The following SLX4IP variants were observed in gnomAD, a reference collection of about 807,000 sequenced individuals.
The protein encoded by SLX4IP is protein SLX4IP.
A neutral mutation model predicts 32.9 loss-of-function variants in SLX4IP; 34 were observed. That is an observed-to-expected ratio of 1.03 (90% confidence interval 0.79 to 1.38). SLX4IP has a LOEUF of 1.38. Ranked by LOEUF, SLX4IP falls within the 40% of genes most tolerant of loss-of-function variation. SLX4IP has a pLI of 0.00. For missense variants in SLX4IP, 444 were observed against 479.0 expected (o/e 0.93, Z 0.68); for synonymous variants, 172 against 171.7 (o/e 1.00, Z -0.01).
In SLX4IP at chr20:10,601,788, G is replaced by T. The variant is rs766026223; in HGVS notation, c.374G>T (p.Arg125Leu). ...VVCVSQLAFS[R>L]DLLASQNEDL... ...TGTGTCAGTCAGCTTGCATTCAGTC[G>T]TGATCTTTTAGCAAGTCAGAATGAA... Residue 125 changes from arginine to leucine, a missense_variant, in exon 6 of 8, where the codon CGT becomes CTT. By Grantham distance (102) the Arg-to-Leu change is moderately radical. Coordinates refer to ENST00000334534, the MANE Select transcript of SLX4IP (RefSeq NM_001009608.3). 2 of 1,613,878 alleles carry T rather than the reference G, an allele frequency of 1.2e-6. No homozygotes were observed. The highest frequency in any genetic ancestry group is 8.5e-7 in the Non-Finnish European group (1 of 1,179,866).
At chr20:10,531,519 T>G (rs139523944) in intron 2 of SLX4IP, among the ~76,000 whole-genome samples, 1 of 152,334 alleles carries the variant, frequency 6.6e-6, no homozygotes, top group African/African-American at 2.4e-5. Flanking sequence ...TTATTTCCCA[T>G]GTGCCAGGAA....
At chr20:10,461,850 T>G (rs2065340631) in intron 2 of SLX4IP, among the ~76,000 whole-genome samples, 1 of 152,202 alleles carries the variant, frequency 6.6e-6, no homozygotes, top group African/African-American at 2.4e-5. Flanking sequence ...TGAATATGGC[T>G]CACTTCAGCC....
At chr20:10,558,897 C>G (rs2066300099) in intron 3 of SLX4IP, among the ~76,000 whole-genome samples, 1 of 152,188 alleles carries the variant, frequency 6.6e-6, no homozygotes, top group Non-Finnish European at 1.5e-5. Flanking sequence ...ACTTGGTCTA[C>G]CTTGCATTCG....
intron 2 of SLX4IP, among the ~76,000 whole-genome samples, chr20:10,476,260 G>A (rs1470342621): frequency 1.3e-5 from 2 of 152,138 alleles, no homozygotes; most frequent in East Asian, 3.9e-4. Flanking sequence ...GCTACTCTTT[G>A]ATGATCTTGT....
At chr20:10,506,760 GCAGT>G (rs1221485570) in intron 2 of SLX4IP, among the ~76,000 whole-genome samples, 1 of 152,184 alleles carries the variant, frequency 6.6e-6, no homozygotes, top group Non-Finnish European at 1.5e-5. Flanking sequence ...ATGTTCATAA[GCAGT>G]CAGTACTATC....
At chr20:10,476,482 G>A (rs2065476101) in intron 2 of SLX4IP, among the ~76,000 whole-genome samples, 2 of 152,156 alleles carry the variant, frequency 1.3e-5, no homozygotes, top group South Asian at 4.1e-4. Context: ...GCTAGCCATT[G>A]TGCAAAGTCT....
intron 2 of SLX4IP, among the ~76,000 whole-genome samples, chr20:10,532,273 G>C (rs748688719): frequency 1.7e-4 from 26 of 151,620 alleles, no homozygotes; most frequent in Non-Finnish European, 3.5e-4. Flanking sequence ...GTATGGGAGG[G>C]GATGGATATG....
chr20:10,453,255 G>T (rs1568687521), intron 1 of SLX4IP, among the ~76,000 whole-genome samples: 1 of 151,854 alleles, frequency 6.6e-6, no homozygotes, highest in South Asian at 2.1e-4. Context: ...AGCTTTCCAT[G>T]TACCTGTCCT....
intron 2 of SLX4IP, among the ~76,000 whole-genome samples, chr20:10,485,371 G>A (rs768586196): frequency 2.2e-4 from 34 of 152,088 alleles, no homozygotes; most frequent in Non-Finnish European, 4.0e-4. Context: ...GGGAGGCTGA[G>A]GCTGGCAGAT....
At chr20:10,439,553 C>T (rs2065143569) in intron 1 of SLX4IP, among the ~76,000 whole-genome samples, 1 of 152,142 alleles carries the variant, frequency 6.6e-6, no homozygotes. Context: ...ATGAAGCCTT[C>T]TGTATACAGT....
Position 10,526,446 on chromosome 20 carries a change from T to C in SLX4IP, c.28-29785T>C, listed in dbSNP as rs573923118. On this transcript the variant is annotated intron_variant, in intron 2 of 7. Coordinates refer to ENST00000334534, the MANE Select transcript of SLX4IP (RefSeq NM_001009608.3). ...ATATAATTCATTAACAAGTAAAATTTAGTAGTGTTTCTGACACGTGCTGGT... is the reference window on the plus strand; with the variant it reads ...ATATAATTCATTAACAAGTAAAATTCAGTAGTGTTTCTGACACGTGCTGGT... 1.2e-3 allele frequency among the ~76,000 whole-genome samples: 186 copies of C among 152,322 alleles called. 1 individual carries two copies. In the Middle Eastern group the frequency reaches 0.014, roughly 11 times the overall value.
intron 4 of SLX4IP, among the ~76,000 whole-genome samples, chr20:10,587,068 G>GA (rs537019977): frequency 2.0e-5 from 3 of 151,570 alleles, no homozygotes; most frequent in Middle Eastern, 3.4e-3. Context: ...AAAAAGAAAA[G>GA]AAAAAAACAG....
chr20:10,619,331 TC>T (rs1171304648), intron 6 of SLX4IP, among the ~76,000 whole-genome samples: 1 of 152,074 alleles, frequency 6.6e-6, no homozygotes, highest in Non-Finnish European at 1.5e-5. Flanking sequence ...AAGGACATTT[TC>T]CCCCATTGTT....
In SLX4IP at chr20:10,623,213, C is replaced by T. The variant is rs920040472; in HGVS notation, c.1061C>T (p.Thr354Met). 6.2e-6 allele frequency: 10 copies of T among 1,614,208 alleles called. No homozygotes were observed. The highest frequency in any genetic ancestry group is 5.5e-5 in the South Asian group (5 of 91,088). The change falls in exon 8 of 8, where the codon ACG (threonine) becomes ATG (methionine). Residue 354 changes from threonine to methionine, a missense_variant. Thr to Met is a moderately conservative substitution (Grantham distance 81). Transcript: ENST00000334534. ...LLLKQDLAKT[T>M]SKEELHVLES... is the part of the protein sequence containing the mutation. The stretch of plus-strand genomic sequence containing the variant: ...TTGAAACAAGATTTGGCAAAAACCA[C>T]GTCTAAGGAAGAGTTGCATGTTTTG...
intron 1 of SLX4IP, among the ~76,000 whole-genome samples, chr20:10,445,315 T>C (rs1359422968): frequency 1.3e-4 from 19 of 142,024 alleles, no homozygotes; most frequent in Non-Finnish European, 1.7e-4. Flanking sequence ...TTCTTTCTTT[T>C]TTTTTTTTTT....
At chr20:10,471,309 A>G (rs945157598) in intron 2 of SLX4IP, among the ~76,000 whole-genome samples, 2 of 152,218 alleles carry the variant, frequency 1.3e-5, no homozygotes, top group African/African-American at 4.8e-5. Context: ...GTTAGGCACT[A>G]TAGACACAGA....
chr20:10,595,092 G>A (rs1212549507), intron 4 of SLX4IP, among the ~76,000 whole-genome samples: 1 of 151,966 alleles, frequency 6.6e-6, no homozygotes, highest in Non-Finnish European at 1.5e-5. Context: ...AGATTTTTTG[G>A]GCTGCTTGGA....
At chr20:10,477,663 A>T (rs971409742) in intron 2 of SLX4IP, among the ~76,000 whole-genome samples, 1 of 152,222 alleles carries the variant, frequency 6.6e-6, no homozygotes, top group African/African-American at 2.4e-5. Context: ...TATGGGGATA[A>T]TAAGTGTCAA....
At chr20:10,535,603 G>A (rs769014524) in intron 2 of SLX4IP, among the ~76,000 whole-genome samples, 6 of 152,180 alleles carry the variant, frequency 3.9e-5, no homozygotes, top group South Asian at 2.1e-4. Flanking sequence ...TTACAGGCAT[G>A]AGCTACTGCG....
Sources: allele counts gnomAD v4.1 joint callset (sites outside exome capture counted in the v4.1 genomes callset), GRCh38; gene constraint gnomAD v4.1.1; transcripts MANE v1.5; gene names NCBI Gene and HGNC (gene_info 2026-07-23, HGNC 2026-07-21).